The following MICALL1 variants were observed in gnomAD, a reference collection of about 807,000 sequenced individuals.
The protein encoded by MICALL1 is MICAL like 1, also known as MICAL-like protein 1.
MICALL1 carries 61 observed loss-of-function variants against 83.7 expected under a neutral mutation model. That is an observed-to-expected ratio of 0.73 (90% CI 0.59 to 0.90). MICALL1 has a LOEUF of 0.90. Ranked by LOEUF, MICALL1 falls within the 40% of genes least tolerant of loss-of-function variation. The probability of loss-of-function intolerance (pLI) is 0.00; values close to 1 mark genes in which losing one functional copy is unlikely to be tolerated. For missense variants in MICALL1, 1,066 were observed against 1,152.0 expected, an observed-to-expected ratio of 0.93 and a Z score of 1.08; for synonymous variants, 481 against 473.6, an observed-to-expected ratio of 1.02 and a Z score of -0.20.
In MICALL1 at chr22:37,906,620, G is replaced by A. The variant is rs987303618; in HGVS notation, c.146+52G>A. 1 of 1,141,248 alleles carries A rather than the reference G, an allele frequency of 8.8e-7. No individual in the cohort carries two copies. The allele number at this position is 1,141,248 out of a possible 1,614,324, so 70.7% of individuals were successfully genotyped here. A position where few individuals can be genotyped will look rare whatever the true frequency, so the allele number is the denominator to read the frequency against. On this transcript the variant is annotated intron_variant, in intron 1 of 15. Transcript: ENST00000215957. This position sits in a 1 kb window ranked among gnomAD's most constrained non-coding sequence, Gnocchi z 4.4. ...GCGGCGCGGGGCGGGCTGGGGCCGC[G>A]ACCGCCGCCCCCCCTCAGTAACACG...
At position 37,927,203 on chromosome 22, in the gene MICALL1, G is replaced by A. The variant is rs1929498714; in HGVS notation, c.1466-208G>A. On this transcript the variant is annotated intron_variant, in intron 8 of 15. Transcript: ENST00000215957. ...GGAGGCAGCAGGCAGAACGCAAGGC[G>A]GGCGGGTTGGACTCGGGTGGCTGGA... 9.0e-6 allele frequency: 5 copies of A among 556,336 alleles called. No homozygotes were observed. In the Admixed American group the frequency reaches 1.3e-4, roughly 14 times the overall value. The allele number at this position is 556,336 out of a possible 1,614,324, so 34.5% of individuals were successfully genotyped here.
rs1184026260 is a variant in MICALL1 at position 37,906,322 on chromosome 22, G to GAGCCGC, written c.-89_-84dup. On this transcript the variant is annotated 5_prime_UTR_variant, in exon 1 of 16. Transcript: ENST00000215957. This position sits in a 1 kb window ranked among gnomAD's most constrained non-coding sequence, Gnocchi z 4.4. ...GCCTGCCGGTCGGCGCCCGAGCTCG[G>GAGCCGC]AGCCGCAGCCGCAGCCGGAAACCGG... 14 of 893,226 alleles carry GAGCCGC rather than the reference G, an allele frequency of 1.6e-5. No individual in the cohort carries two copies. The highest frequency in any genetic ancestry group is 5.5e-4 in the Middle Eastern group (1 of 1,806). The allele number at this position is 893,226 out of a possible 1,614,324, so 55.3% of individuals were successfully genotyped here. A position where few individuals can be genotyped will look rare whatever the true frequency, so the allele number is the denominator to read the frequency against.
In MICALL1 at chr22:37,932,752, C is replaced by T; in HGVS notation, c.2144-46C>T. ...GCCTCTATTCCCCGGGGAACTGAGC[C>T]AGGCATGGCAGCCAGCCCTGGCCTC... is the stretch of plus-strand genomic sequence containing the variant. On this transcript the variant is annotated intron_variant, in intron 11 of 15. Transcript: ENST00000215957. The surrounding 1 kb of genome is among the most constrained non-coding windows in gnomAD (Gnocchi z 4.4). 6.2e-7 allele frequency: 1 copy of T among 1,613,424 alleles called. No individual in the cohort carries two copies.
intron 2 of MICALL1, 35 bp downstream of exon 2, chr22:37,912,035 C>T (rs1196340457): frequency 6.3e-7 from 1 of 1,586,510 alleles, no homozygotes; most frequent in South Asian, 1.1e-5. Context: ...CCAAGAGGCT[C>T]TGTGTATGTG....
At chr22:37,939,491 G>T (rs1034889191) in intron 15 of MICALL1, among the ~76,000 whole-genome samples, 6 of 151,872 alleles carry the variant, frequency 4.0e-5, no homozygotes, top group Admixed American at 6.6e-5. Context: ...AAAGATAAAT[G>T]GGGGCCAGGC....
At chr22:37,919,588 A>G (rs914551555) in intron 5 of MICALL1, among the ~76,000 whole-genome samples, 1 of 140,432 alleles carries the variant, frequency 7.1e-6, no homozygotes, top group South Asian at 2.3e-4. Context: ...GGAAGCCGAG[A>G]TCGTGCTACT....
intron 3 of MICALL1, among the ~76,000 whole-genome samples, chr22:37,913,752 T>C (rs1350125305): frequency 6.6e-6 from 1 of 152,184 alleles, no homozygotes; most frequent in Non-Finnish European, 1.5e-5. Flanking sequence ...ACTGAACAGC[T>C]GGGTTGAGAA....
chr22:37,937,640 T>C lies in MICALL1; in HGVS notation c.2424-106T>C, dbSNP rs554658084. On this transcript the variant is annotated intron_variant, in intron 14 of 15. Coordinates refer to ENST00000215957, the MANE Select transcript of MICALL1 (RefSeq NM_033386.4). ...GGTTTCACCATGTTGGCTAGGCTGA[T>C]CTCGAACTCCTGACTTCAGGTGATC... The C allele has an allele frequency of 3.5e-6, 4 of 1,154,100 alleles. No individual in the cohort carries two copies. In the African/African-American group the frequency reaches 4.6e-5, roughly 13 times the overall value. 71.5% of individuals were successfully genotyped at this position (1,154,100 alleles called of 1,614,324 possible). A position where few individuals can be genotyped will look rare whatever the true frequency, so the allele number is the denominator to read the frequency against.
intron 1 of MICALL1, among the ~76,000 whole-genome samples, chr22:37,911,052 G>C (rs1006080554): frequency 2.6e-5 from 4 of 152,198 alleles, no homozygotes; most frequent in Non-Finnish European, 5.9e-5. Flanking sequence ...AGACTGAGCT[G>C]TCTCTGCTGG....
chr22:37,932,564 C>T lies in MICALL1; in HGVS notation c.2028C>T (p.Asp676=). ...FPLIKRKVQA[D]QYIPEEDIHG... Reference sequence around the variant, plus strand: ...GCACTGTTGGGCAGGTCCAGGCTGACCAGTACATCCCTGAGGAGGACATCC... The same window carrying T: ...GCACTGTTGGGCAGGTCCAGGCTGATCAGTACATCCCTGAGGAGGACATCC... Residue 676 remains aspartate, a synonymous_variant, in exon 11 of 16, where the codon GAC becomes GAT. Coordinates refer to ENST00000215957, the MANE Select transcript of MICALL1 (RefSeq NM_033386.4). This position sits in a 1 kb window ranked among gnomAD's most constrained non-coding sequence, Gnocchi z 4.4. 1 of 1,614,096 alleles carries T rather than the reference C, an allele frequency of 6.2e-7. No homozygotes were observed. The highest frequency in any genetic ancestry group is 8.5e-7 in the Non-Finnish European group (1 of 1,179,998).
intron 9 of MICALL1, among the ~76,000 whole-genome samples, 161 bp from the exon 10 acceptor site, chr22:37,931,638 C>CTGAG (rs1929790752): frequency 6.6e-6 from 1 of 152,198 alleles, no homozygotes; most frequent in African/African-American, 2.4e-5. Flanking sequence ...TATTGAATGA[C>CTGAG]TGAGTGCATC....
At chr22:37,918,186 G>A (rs573182126) in intron 4 of MICALL1, among the ~76,000 whole-genome samples, 4 of 152,316 alleles carry the variant, frequency 2.6e-5, no homozygotes, top group East Asian at 1.9e-4. Context: ...TAAACTTCCC[G>A]GCTTGATTTC....
intron 9 of MICALL1, among the ~76,000 whole-genome samples, chr22:37,929,428 G>A (rs1002672817): frequency 1.1e-4 from 16 of 152,296 alleles, no homozygotes; most frequent in African/African-American, 3.8e-4. Flanking sequence ...TAGTGGGCAG[G>A]GGGTCAGCCC....
chr22:37,923,660 G>A (rs900112849), intron 6 of MICALL1, among the ~76,000 whole-genome samples: 7 of 152,192 alleles, frequency 4.6e-5, no homozygotes, highest in Admixed American at 1.3e-4. Context: ...CTCTGCATGC[G>A]CTCTTTTGCA....
chr22:37,908,959 G>C (rs904296514), intron 1 of MICALL1, among the ~76,000 whole-genome samples: 7 of 152,218 alleles, frequency 4.6e-5, no homozygotes, highest in African/African-American at 1.7e-4. Flanking sequence ...ACAAGGTAGC[G>C]AGTTGGGAGA....
rs776199067 is a variant in MICALL1 at position 37,925,948 on chromosome 22, C to G, written c.1370C>G (p.Pro457Arg). ...SPALGHPEST[P>R]KSLHPWYGIT... ...GCCCTGGGCCACCCGGAGTCCACACCCAAGTCCCTGCACCCCTGGTACGGC... is the reference window on the plus strand; with the variant it reads ...GCCCTGGGCCACCCGGAGTCCACACGCAAGTCCCTGCACCCCTGGTACGGC... The change falls in exon 8 of 16, where the codon CCC becomes CGC. Residue 457 changes from proline (P) to arginine (R), a missense_variant. Transcript: ENST00000215957. 12 of 1,613,596 alleles carry G rather than the reference C, an allele frequency of 7.4e-6. No individual in the cohort carries two copies. The African/African-American group carries it at 1.6e-4, about 22-fold the overall frequency.
At chr22:37,914,383 C>T (rs915864221) in intron 3 of MICALL1, among the ~76,000 whole-genome samples, 3 of 150,832 alleles carry the variant, frequency 2.0e-5, no homozygotes, top group Admixed American at 6.6e-5. Context: ...CCCGCCACCA[C>T]ACCCGGCTAA....
intron 3 of MICALL1, among the ~76,000 whole-genome samples, chr22:37,913,344 G>T (rs773743754): frequency 6.6e-6 from 1 of 152,176 alleles, no homozygotes; most frequent in Non-Finnish European, 1.5e-5. Context: ...GAAGTCCCGT[G>T]GGGGAGATAG....
In MICALL1 at chr22:37,906,848, A is replaced by G. The variant is rs1601798170; in HGVS notation, c.146+280A>G. 5.7e-6 allele frequency: 1 copy of G among 175,582 alleles called. No homozygotes were observed. The highest frequency in any genetic ancestry group is 1.6e-4 in the East Asian group (1 of 6,302). The allele number at this position is 175,582 out of a possible 1,614,324, so 10.9% of individuals were successfully genotyped here. On this transcript the variant is annotated intron_variant, in intron 1 of 15. Transcript: ENST00000215957. This position sits in a 1 kb window ranked among gnomAD's most constrained non-coding sequence, Gnocchi z 4.4. Reference sequence around the variant, plus strand: ...CACTGGCCCCGCCCACAAAGCGCTGATTTCCGCCGAGGATCGCTGAACCCC... The same window carrying G: ...CACTGGCCCCGCCCACAAAGCGCTGGTTTCCGCCGAGGATCGCTGAACCCC...
Sources: allele counts gnomAD v4.1 joint callset (sites outside exome capture counted in the v4.1 genomes callset), GRCh38; gene constraint gnomAD v4.1.1; non-coding constraint Gnocchi (gnomAD v3.1); transcripts MANE v1.5; gene names NCBI Gene and HGNC (gene_info 2026-07-23, HGNC 2026-07-21).